TMPRSS15: variants seen among roughly 807,000 people sequenced by gnomAD.
TMPRSS15 encodes enteropeptidase.
TMPRSS15 carries 128 observed loss-of-function variants against 125.3 expected under a neutral mutation model. The observed-to-expected ratio is 1.02, with a 90% confidence interval of 0.89 to 1.18. The LOEUF is 1.18. Ranked by LOEUF, TMPRSS15 falls within the 50% of genes most tolerant of loss-of-function variation. TMPRSS15 has a pLI of 0.00. For missense variants in TMPRSS15, 1,283 were observed against 1,212.7 expected (o/e 1.06, Z -0.86); for synonymous variants, 446 against 423.2 (o/e 1.05, Z -0.66).
At chr21:18,300,063 A>G (rs1360891678) in intron 18 of TMPRSS15, among the ~76,000 whole-genome samples, 1 of 152,204 alleles carries the variant, frequency 6.6e-6, no homozygotes, top group Non-Finnish European at 1.5e-5. Context: ...AAGGTGTATC[A>G]TTAAAAATAG....
intron 1 of TMPRSS15, among the ~76,000 whole-genome samples, chr21:18,437,138 T>C (rs1428447018): frequency 6.7e-6 from 1 of 149,296 alleles, no homozygotes; most frequent in Admixed American, 6.8e-5. Flanking sequence ...TATAGATCAA[T>C]GGAACAGAAC....
In TMPRSS15 at chr21:18,278,965, T is replaced by A; in HGVS notation, c.2763A>T (p.Gln921His). The A allele has an allele frequency of 1.8e-6, 2 of 1,141,742 alleles. No individual in the cohort carries two copies. Among genetic ancestry groups the A allele is most frequent in the Non-Finnish European group, 2.6e-6 (2 of 778,698 alleles). The allele number at this position is 1,141,742 out of a possible 1,614,324, so 70.7% of individuals were successfully genotyped here. A position where few individuals can be genotyped will look rare whatever the true frequency, so the allele number is the denominator to read the frequency against. The change falls in exon 23 of 25, where the codon CAA becomes CAT. Residue 921 changes from glutamine to histidine, a missense_variant and splice_region_variant. Transcript: ENST00000284885. The part of the protein sequence containing the change: ...SIAGWGTVVY[Q>H]GTTANILQEA... ...TTTTTTTTGAGTCTGATAATTTACC[T>A]TGATATACAACCGTCCCCCAACCAG...
intron 3 of TMPRSS15, among the ~76,000 whole-genome samples, chr21:18,393,954 CTAGT>C: frequency 6.6e-6 from 1 of 152,218 alleles, no homozygotes; most frequent in South Asian, 2.1e-4. Flanking sequence ...TTCTCAGAAC[CTAGT>C]TAAATGTCTG....
intron 1 of TMPRSS15, among the ~76,000 whole-genome samples, chr21:18,483,702 A>G (rs1230543481): frequency 2.0e-5 from 3 of 151,950 alleles, no homozygotes; most frequent in Non-Finnish European, 4.4e-5. Flanking sequence ...TAATTGTGTG[A>G]TAATTGACAA....
chr21:18,427,398 G>C (rs960073748), intron 1 of TMPRSS15, among the ~76,000 whole-genome samples: 3 of 152,176 alleles, frequency 2.0e-5, no homozygotes, highest in African/African-American at 7.2e-5. Flanking sequence ...GGGAATAAAA[G>C]TCAACATGCT....
intron 1 of TMPRSS15, among the ~76,000 whole-genome samples, chr21:18,413,720 G>A (rs955766812): frequency 1.7e-4 from 25 of 151,268 alleles, no homozygotes; most frequent in Admixed American, 2.6e-4. Flanking sequence ...GAGCCACCGC[G>A]TCCTGAACTC....
chr21:18,359,273 A>C (rs2075655888), intron 8 of TMPRSS15, among the ~76,000 whole-genome samples: 1 of 152,030 alleles, frequency 6.6e-6, no homozygotes, highest in Non-Finnish European at 1.5e-5. Flanking sequence ...ATCCACATCT[A>C]TCATTTACTT....
At chr21:18,274,084 A>G (rs1264390818) in intron 24 of TMPRSS15, among the ~76,000 whole-genome samples, 1 of 152,208 alleles carries the variant, frequency 6.6e-6, no homozygotes, top group African/African-American at 2.4e-5. Flanking sequence ...TTGGTCAGTA[A>G]TGCTAGCAGG....
intron 21 of TMPRSS15, among the ~76,000 whole-genome samples, chr21:18,294,004 T>C (rs942676099): frequency 2.0e-5 from 3 of 152,262 alleles, no homozygotes; most frequent in African/African-American, 7.2e-5. Flanking sequence ...TTTCCATTTT[T>C]ATGTATGTAA....
At chr21:18,482,361 C>T (rs1978996566) in intron 1 of TMPRSS15, among the ~76,000 whole-genome samples, 1 of 151,184 alleles carries the variant, frequency 6.6e-6, no homozygotes, top group Non-Finnish European at 1.5e-5. Context: ...TATTAGTTTT[C>T]TTTAGACAAT....
rs571374112 is a variant in TMPRSS15 at position 18,311,952 on chromosome 21, T to G, written c.2165+993A>C. 1.9e-4 allele frequency among the ~76,000 whole-genome samples: 29 copies of G among 152,320 alleles called. No individual in the cohort carries two copies. The Middle Eastern group carries it at 0.01, about 54-fold the overall frequency. ...ATATATAATGTATTGCTTAAGTATT[T>G]GGCACTGCTTTTTAAAGACAAGGAT... is the stretch of plus-strand genomic sequence containing the variant. On this transcript the variant is annotated intron_variant, in intron 18 of 24. Transcript: ENST00000284885.
At chr21:18,409,267 T>G (rs544382950) in intron 1 of TMPRSS15, among the ~76,000 whole-genome samples, 107 of 152,286 alleles carry the variant, frequency 7.0e-4, no homozygotes, top group African/African-American at 2.5e-3. Context: ...CAGAATTATG[T>G]TTTCATACTT....
chr21:18,321,278 A>C (rs1046914890), intron 16 of TMPRSS15, among the ~76,000 whole-genome samples: 13 of 152,240 alleles, frequency 8.5e-5, no homozygotes, highest in Admixed American at 5.9e-4. Flanking sequence ...GTTAAATTTC[A>C]ACTGGATGCT....
intron 13 of TMPRSS15, among the ~76,000 whole-genome samples, chr21:18,339,009 T>C (rs78654278): frequency 6.6e-6 from 1 of 152,172 alleles, no homozygotes; most frequent in Non-Finnish European, 1.5e-5. Context: ...ATTTTTTTTT[T>C]CTCCAAAGTC....
At chr21:18,339,255 C>A (rs1013593665) in intron 13 of TMPRSS15, among the ~76,000 whole-genome samples, 1 of 152,082 alleles carries the variant, frequency 6.6e-6, no homozygotes, top group African/African-American at 2.4e-5. Context: ...ATAGTAAAAG[C>A]AAACCGATCT....
intron 1 of TMPRSS15, among the ~76,000 whole-genome samples, chr21:18,460,005 A>G (rs1269329788): frequency 6.6e-6 from 1 of 152,108 alleles, no homozygotes; most frequent in Non-Finnish European, 1.5e-5. Flanking sequence ...CGATTTTTAT[A>G]TTTTGATATT....
At chr21:18,314,478 A>G (rs2075138006) in intron 17 of TMPRSS15, among the ~76,000 whole-genome samples, 1 of 152,094 alleles carries the variant, frequency 6.6e-6, no homozygotes. Context: ...GGGTTTCACC[A>G]TGTTGGTCAG....
chr21:18,311,881 T>A (rs1404572108), intron 18 of TMPRSS15, among the ~76,000 whole-genome samples: 1 of 152,152 alleles, frequency 6.6e-6, no homozygotes. Context: ...TTTGGGCATA[T>A]GTTTTTATAG....
At chr21:18,398,502 T>C (rs1438446244) in intron 1 of TMPRSS15, among the ~76,000 whole-genome samples, 173 bp from the exon 2 acceptor site, 1 of 152,200 alleles carries the variant, frequency 6.6e-6, no homozygotes, top group African/African-American at 2.4e-5. Context: ...TTTCACCAGC[T>C]GTCTGATTGT....
Sources: gnomAD v4.1 joint callset for allele counts (sites outside exome capture counted in the v4.1 genomes callset) on GRCh38, gnomAD v4.1.1 for gene constraint, MANE v1.5 for transcripts, NCBI Gene and HGNC (gene_info 2026-07-23, HGNC 2026-07-21) for gene names.